The following ADAM32 variants were observed in gnomAD, a reference collection of about 807,000 sequenced individuals.
The protein encoded by ADAM32 is disintegrin and metalloproteinase domain-containing protein 32.
In ADAM32, 89 loss-of-function variants were observed where a neutral mutation model predicts 114.9. The observed-to-expected ratio is 0.77, with a 90% CI of 0.65 to 0.92. The LOEUF is 0.92. Ranked by LOEUF, ADAM32 falls within the 40% of genes least tolerant of loss-of-function variation. ADAM32 has a pLI of 0.00. For missense variants in ADAM32, 870 were observed against 932.8 expected (o/e 0.93, Z 0.88); for synonymous variants, 285 against 307.5 (o/e 0.93, Z 0.77).
chr8:39,136,566 G>A (rs954371640), intron 2 of ADAM32, 91 bp from the exon 3 acceptor site: 14 of 752,544 alleles, frequency 1.9e-5, no homozygotes, highest in Non-Finnish European at 2.9e-5. Context: ...GATGTTTTAA[G>A]CATTGTTTGG....
chr8:39,147,920 T>C (rs1803598159), intron 4 of ADAM32, among the ~76,000 whole-genome samples: 1 of 152,036 alleles, frequency 6.6e-6, no homozygotes, highest in African/African-American at 2.4e-5. Context: ...ATTACAGGCA[T>C]GCACCACCAT....
chr8:39,283,718 G>A, intron 24 of ADAM32, 94 bp downstream of exon 24: 2 of 961,510 alleles, frequency 2.1e-6, no homozygotes, highest in South Asian at 1.7e-5. Flanking sequence ...TATGGACTGG[G>A]TAGATGAATT....
intron 6 of ADAM32, among the ~76,000 whole-genome samples, 175 bp from the exon 7 acceptor site, chr8:39,160,722 C>A (rs1285191376): frequency 1.3e-5 from 2 of 152,132 alleles, no homozygotes; most frequent in African/African-American, 4.8e-5. Flanking sequence ...AATCTTCTAA[C>A]TACTTGAGTA....
intron 12 of ADAM32, among the ~76,000 whole-genome samples, chr8:39,218,614 A>G (rs1808747843): frequency 6.6e-6 from 1 of 151,848 alleles, no homozygotes; most frequent in African/African-American, 2.4e-5. Flanking sequence ...TTTTTTTCCC[A>G]TAGGCTAAGG....
chr8:39,216,882 C>A (rs1395412663), intron 12 of ADAM32, among the ~76,000 whole-genome samples: 3 of 24,972 alleles, frequency 1.2e-4, no homozygotes, highest in Non-Finnish European at 3.4e-4. Flanking sequence ...TAGTTTTATG[C>A]ACCCCAGTTA....
chr8:39,136,670 A>G lies in ADAM32; in HGVS notation c.152A>G (p.Tyr51Cys), dbSNP rs908826839. 1.3e-6 allele frequency: 2 copies of G among 1,542,962 alleles called. No homozygotes were observed. Among genetic ancestry groups the G allele is most frequent in the Non-Finnish European group, 8.7e-7 (1 of 1,143,364 alleles). The change falls in exon 3 of 25, where the codon TAT becomes TGT. Residue 51 changes from tyrosine to cysteine, a missense_variant. By Grantham distance (194) the Tyr-to-Cys change is radical. Coordinates refer to ENST00000379907, the MANE Select transcript of ADAM32 (RefSeq NM_145004.7). ...SSEIEYEQIS[Y>C]IIPIDEKLYT... ...TGAATTCTCTAGGAACAAATATCCTATATTATTCCAATAGATGAGAAACTG... is the reference window on the plus strand; with the variant it reads ...TGAATTCTCTAGGAACAAATATCCTGTATTATTCCAATAGATGAGAAACTG...
chr8:39,223,060 A>T lies in ADAM32; in HGVS notation c.1347A>T (p.Glu449Asp). 1 of 1,586,716 alleles carries T rather than the reference A, an allele frequency of 6.3e-7. No homozygotes were observed. Among genetic ancestry groups the T allele is most frequent in the South Asian group, 1.2e-5 (1 of 85,676 alleles). Residue 449 changes from glutamate (E) to aspartate (D), a missense_variant, in exon 14 of 25, where the codon GAA becomes GAT. By Grantham distance (45) the Glu-to-Asp change is conservative. Coordinates refer to ENST00000379907, the MANE Select transcript of ADAM32 (RefSeq NM_145004.7). ...CTTAGATTTTACAATCAGGCGTTGA[A>T]TGTAGGCCGAAAGCACATCCTGAAT... ...KDCQILQSGV[E>D]CRPKAHPECD...
chr8:39,136,239 C>T (rs1802794365), intron 2 of ADAM32, among the ~76,000 whole-genome samples: 1 of 152,158 alleles, frequency 6.6e-6, no homozygotes, highest in African/African-American at 2.4e-5. Flanking sequence ...ATATAGGGAA[C>T]AGACAATACA....
At chr8:39,153,287 GA>G (rs1564494698) in intron 6 of ADAM32, among the ~76,000 whole-genome samples, 1 of 152,146 alleles carries the variant, frequency 6.6e-6, no homozygotes, top group Non-Finnish European at 1.5e-5. Flanking sequence ...CTTGCCTTGT[GA>G]AAATTTCTAA....
At chr8:39,137,644 G>A (rs960190083) in intron 3 of ADAM32, among the ~76,000 whole-genome samples, 12 of 151,772 alleles carry the variant, frequency 7.9e-5, no homozygotes, top group Non-Finnish European at 1.2e-4. Context: ...GGTGGCGTGC[G>A]CCTGTAATCC....
chr8:39,128,956 T>A (rs540973066), intron 2 of ADAM32, among the ~76,000 whole-genome samples: 20 of 152,286 alleles, frequency 1.3e-4, no homozygotes, highest in African/African-American at 4.8e-4. Context: ...AAATTTATCA[T>A]CAAGTATTTT....
chr8:39,190,915 C>T (rs1806559327), intron 11 of ADAM32, among the ~76,000 whole-genome samples: 1 of 152,128 alleles, frequency 6.6e-6, no homozygotes, highest in South Asian at 2.1e-4. Context: ...CTCCCTCCTC[C>T]CACCTTCCAC....
chr8:39,197,509 AT>A (rs1375787393), intron 11 of ADAM32, among the ~76,000 whole-genome samples: 1 of 151,688 alleles, frequency 6.6e-6, no homozygotes, highest in Non-Finnish European at 1.5e-5. Flanking sequence ...TTTTGATATT[AT>A]TTTGTTTTCA....
chr8:39,186,039 A>T (rs190701565), intron 10 of ADAM32, among the ~76,000 whole-genome samples: 1 of 152,288 alleles, frequency 6.6e-6, no homozygotes, highest in East Asian at 1.9e-4. Flanking sequence ...CTTGGTCCTC[A>T]GCCATGTCAA....
chr8:39,227,937 G>C (rs7014407), intron 14 of ADAM32, among the ~76,000 whole-genome samples: 1 of 152,060 alleles, frequency 6.6e-6, no homozygotes, highest in Non-Finnish European at 1.5e-5. Context: ...TACGCCCTCC[G>C]CTGCCTCCAC....
intron 6 of ADAM32, among the ~76,000 whole-genome samples, chr8:39,159,580 C>G (rs1278059220): frequency 6.6e-6 from 1 of 152,214 alleles, no homozygotes; most frequent in Non-Finnish European, 1.5e-5. Context: ...CCTCTTTCTT[C>G]CTAGACTTTT....
upstream of ADAM32, chr8:39,107,732 C>T: frequency 1.9e-6 from 3 of 1,550,124 alleles, no homozygotes; most frequent in Non-Finnish European, 2.6e-6. Context: ...CTGGCAATTC[C>T]CGACTTCCCA....
At chr8:39,219,263 T>C (rs1469081406) in intron 12 of ADAM32, among the ~76,000 whole-genome samples, 1 of 152,164 alleles carries the variant, frequency 6.6e-6, no homozygotes, top group Non-Finnish European at 1.5e-5. Flanking sequence ...CTTCCCTGGC[T>C]GGTGTCTCTA....
chr8:39,137,822 A>C (rs192732043), intron 3 of ADAM32, among the ~76,000 whole-genome samples: 7 of 152,262 alleles, frequency 4.6e-5, no homozygotes, highest in Non-Finnish European at 7.4e-5. Flanking sequence ...TAAGATACTA[A>C]ATAATTTTCC....
Sources: gnomAD v4.1 joint callset for allele counts (sites outside exome capture counted in the v4.1 genomes callset) on GRCh38, gnomAD v4.1.1 for gene constraint, MANE v1.5 for transcripts, NCBI Gene and HGNC (gene_info 2026-07-23, HGNC 2026-07-21) for gene names.